FAAH2: variants seen among roughly 807,000 people sequenced by gnomAD.
FAAH2 encodes the protein fatty acid amide hydrolase 2, also known as fatty-acid amide hydrolase 2.
Under a neutral mutation model 36.9 loss-of-function variants are expected in FAAH2, and 60 were observed. The ratio of observed to expected loss-of-function variants is 1.63; its 90% CI spans 1.32 to 2.02. FAAH2 has a LOEUF of 2.02. FAAH2 is among the 30% of genes most tolerant of loss of function. FAAH2 has a pLI of 0.00. For synonymous variants in FAAH2, 214 were observed against 143.8 expected (o/e 1.49, Z -3.49); for missense variants, 689 against 397.5 (o/e 1.73, Z -6.23).
intron 9 of FAAH2, 61 bp from the exon 10 acceptor site, chrX:57,448,463 G>C (rs2056724730): frequency 2.7e-5 from 27 of 1,008,135 alleles, no homozygotes; most frequent in Non-Finnish European, 3.6e-5. Flanking sequence ...AAAAGATAAA[G>C]AACACTAGGA....
the FAAH2 span, among the ~76,000 whole-genome samples, chrX:57,263,033 C>T: frequency 2.7e-5 from 3 of 110,980 alleles, no homozygotes; most frequent in Middle Eastern, 4.2e-3. Flanking sequence ...GAGCTTTTCC[C>T]CTAAAATTAG....
intron 7 of FAAH2, among the ~76,000 whole-genome samples, chrX:57,424,296 C>A (rs989657920): frequency 1.8e-5 from 2 of 111,973 alleles, no homozygotes; most frequent in Non-Finnish European, 3.8e-5. Flanking sequence ...GCATAGAACC[C>A]AGGCCACTGG....
Position 57,331,643 on chromosome X carries a change from C to T in FAAH2, c.458C>T (p.Ala153Val), listed in dbSNP as rs753900191. 2 of 1,211,679 alleles carry T rather than the reference C, an allele frequency of 1.7e-6. No individual in the cohort carries two copies. The highest frequency in any genetic ancestry group is 2.2e-6 in the Non-Finnish European group (2 of 895,424). ...SGLMNRRDAI[A>V]KTDATVVALL... ...CTCATGAACCGTCGTGATGCCATTG[C>T]CAAAACAGATGCCACTGTGGTGGCA... The change falls in exon 4 of 11, where the codon GCC (alanine) becomes GTC (valine). Residue 153 changes from alanine to valine, a missense_variant. By Grantham distance (64) the Ala-to-Val change is moderately conservative. Transcript: ENST00000374900.
intron 7 of FAAH2, among the ~76,000 whole-genome samples, chrX:57,381,384 C>G: frequency 9.0e-6 from 1 of 111,209 alleles, no homozygotes; most frequent in Non-Finnish European, 1.9e-5. Flanking sequence ...ATCATTTTAG[C>G]CTGAGCTTTA....
chrX:57,210,765 A>T, the FAAH2 span, among the ~76,000 whole-genome samples: 2 of 112,599 alleles, frequency 1.8e-5, no homozygotes, highest in Admixed American at 1.9e-4. Context: ...TAAAGCAAGA[A>T]AAAGAAATGA....
chrX:57,239,249 G>A, the FAAH2 span, among the ~76,000 whole-genome samples: 2 of 110,892 alleles, frequency 1.8e-5, no homozygotes, highest in Admixed American at 9.6e-5. Flanking sequence ...TGGTTGGTAG[G>A]TTTTTCATTA....
the FAAH2 span, among the ~76,000 whole-genome samples, chrX:57,272,717 G>T: frequency 8.9e-6 from 1 of 112,269 alleles, no homozygotes; most frequent in Non-Finnish European, 1.9e-5. Flanking sequence ...GAGGGATTTT[G>T]TCACCGCTAG....
rs1421655525 is a variant in FAAH2 at position 57,480,890 on chromosome X, G to T, written c.1424-7867G>T. 2.8e-5 allele frequency among the ~76,000 whole-genome samples: 3 copies of T among 108,875 alleles called. No individual in the cohort carries two copies. The Admixed American group carries it at 2.9e-4, about 11-fold the overall frequency. The allele number at this position is 108,875 out of a possible 115,157, so 94.5% of individuals were successfully genotyped here. On this transcript the variant is annotated intron_variant, in intron 10 of 10. Transcript: ENST00000374900. ...AGGGACCCCAGTCGATCGTAGGTTTGTTATTTTCACATAGTCCCATATTTC... is the reference window on the plus strand; with the variant it reads ...AGGGACCCCAGTCGATCGTAGGTTTTTTATTTTCACATAGTCCCATATTTC...
chrX:57,304,627 G>T (rs2052468320), intron 2 of FAAH2, among the ~76,000 whole-genome samples: 2 of 111,983 alleles, frequency 1.8e-5, no homozygotes, highest in South Asian at 7.5e-4. Context: ...TAGAGATTGG[G>T]CCTATTCCCT....
chrX:57,261,587 G>GA, the FAAH2 span, among the ~76,000 whole-genome samples: 2 of 88,536 alleles, frequency 2.3e-5, no homozygotes, highest in East Asian at 3.5e-4. Flanking sequence ...AAAAAAATAA[G>GA]AAAAAATCTA....
At chrX:57,295,837 G>A (rs1048177807) in intron 2 of FAAH2, among the ~76,000 whole-genome samples, 1 of 112,481 alleles carries the variant, frequency 8.9e-6, no homozygotes, top group Non-Finnish European at 1.9e-5. Context: ...AGGGTCCTAC[G>A]CCCACGGAGC....
At chrX:57,470,834 C>A in intron 10 of FAAH2, among the ~76,000 whole-genome samples, 1 of 111,363 alleles carries the variant, frequency 9.0e-6, no homozygotes, top group Non-Finnish European at 1.9e-5. Context: ...AACATTGATG[C>A]AAAAATCCTC....
At chrX:57,417,233 C>A (rs974309387) in intron 7 of FAAH2, among the ~76,000 whole-genome samples, 2 of 112,057 alleles carry the variant, frequency 1.8e-5, no homozygotes, top group Admixed American at 1.9e-4. Flanking sequence ...TCCATCAATT[C>A]ATCAAACTCT....
At chrX:57,222,803 C>T in the FAAH2 span, among the ~76,000 whole-genome samples, 1 of 111,690 alleles carries the variant, frequency 9.0e-6, no homozygotes, top group Admixed American at 9.5e-5. Context: ...CTTCCTTATA[C>T]CTTTTCCAAA....
At chrX:57,237,463 A>G in the FAAH2 span, among the ~76,000 whole-genome samples, 2 of 111,337 alleles carry the variant, frequency 1.8e-5, no homozygotes, top group African/African-American at 3.2e-5. Flanking sequence ...ATTTTATACT[A>G]TATATACTAT....
chrX:57,261,798 T>C, the FAAH2 span, among the ~76,000 whole-genome samples: 1 of 110,109 alleles, frequency 9.1e-6, no homozygotes, highest in Admixed American at 9.8e-5. Context: ...AGGTAATGAG[T>C]TAGGAAGCAG....
the FAAH2 span, among the ~76,000 whole-genome samples, chrX:57,207,914 C>T: frequency 4.4e-5 from 5 of 112,782 alleles, no homozygotes; most frequent in South Asian, 1.1e-3. Context: ...TGGCCTGAGC[C>T]GGAAATGCCC....
At chrX:57,122,384 T>C in the FAAH2 span, among the ~76,000 whole-genome samples, 1 of 112,092 alleles carries the variant, frequency 8.9e-6, no homozygotes, top group African/African-American at 3.2e-5. Flanking sequence ...TAAAGTGATT[T>C]ATAATTTGGC....
At chrX:57,267,686 G>T in the FAAH2 span, among the ~76,000 whole-genome samples, 1 of 111,904 alleles carries the variant, frequency 8.9e-6, no homozygotes, top group Non-Finnish European at 1.9e-5. Context: ...AGAACAAAGG[G>T]CCCAATACAA....
Sources: gnomAD v4.1 joint callset for allele counts (sites outside exome capture counted in the v4.1 genomes callset) on GRCh38, gnomAD v4.1.1 for gene constraint, MANE v1.5 for transcripts, NCBI Gene and HGNC (gene_info 2026-07-23, HGNC 2026-07-21) for gene names.